KLHL1: variants seen among roughly 807,000 people sequenced by gnomAD.
The protein encoded by KLHL1 is kelch-like protein 1.
In KLHL1, 47 loss-of-function variants were observed where a neutral mutation model predicts 77.7. The ratio of observed to expected loss-of-function variants is 0.60; its 90% CI spans 0.48 to 0.77. KLHL1 has a LOEUF of 0.77. Among genes scored for constraint, KLHL1 ranks in the 30% least tolerant of loss-of-function variants. The pLI, the probability that KLHL1 is intolerant of heterozygous loss-of-function variation, is 0.00. For missense variants in KLHL1, 925 were observed against 910.8 expected, an observed-to-expected ratio of 1.02 and a Z score of -0.20; for synonymous variants, 360 against 325.2, an observed-to-expected ratio of 1.11 and a Z score of -1.15.
intron 7 of KLHL1, among the ~76,000 whole-genome samples, chr13:69,792,554 T>G (rs1433083908): frequency 6.7e-6 from 1 of 150,316 alleles, no homozygotes; most frequent in East Asian, 2.0e-4. Context: ...CACCTACATA[T>G]ATACCAAAAA....
chr13:69,796,071 C>T (rs946767623), intron 7 of KLHL1, among the ~76,000 whole-genome samples: 1 of 152,150 alleles, frequency 6.6e-6, no homozygotes, highest in South Asian at 2.1e-4. Context: ...ATCGTATGAT[C>T]TTTGAGGACA....
chr13:70,038,581 A>ATTTTTT (rs55885952), intron 1 of KLHL1, among the ~76,000 whole-genome samples: 775 of 73,034 alleles, frequency 0.011, 48 homozygotes, highest in East Asian at 0.019. Context: ...ATTGTCATTA[A>ATTTTTT]TTTTTTTTTT....
intron 3 of KLHL1, among the ~76,000 whole-genome samples, chr13:69,944,495 A>G (rs1340112418): frequency 1.3e-5 from 2 of 152,312 alleles, no homozygotes; most frequent in Non-Finnish European, 1.5e-5. Context: ...CTTGTGAAGT[A>G]TCCCAGTTCA....
At chr13:69,714,135 T>G (rs1460236376) in intron 9 of KLHL1, among the ~76,000 whole-genome samples, 1 of 152,188 alleles carries the variant, frequency 6.6e-6, no homozygotes, top group Non-Finnish European at 1.5e-5. Flanking sequence ...AATAAATTTC[T>G]GCTTCCCTTC....
At chr13:69,808,007 A>G (rs1424755974) in intron 6 of KLHL1, among the ~76,000 whole-genome samples, 1 of 152,104 alleles carries the variant, frequency 6.6e-6, no homozygotes, top group Non-Finnish European at 1.5e-5. Context: ...GATTGTCCCT[A>G]AGGGAGGATA....
rs564866360 is a variant in KLHL1, at chr13:70,072,801, T to G, written c.497+34402A>C. Reference sequence around the variant, plus strand: ...AGTGTTGATGGAAACTTTTTCAACTTGGTAAAAAACTTTTATTTAAAAAAA... The same window carrying G: ...AGTGTTGATGGAAACTTTTTCAACTGGGTAAAAAACTTTTATTTAAAAAAA... On this transcript the variant is annotated intron_variant, in intron 1 of 10. Coordinates refer to ENST00000377844, the MANE Select transcript of KLHL1 (RefSeq NM_020866.3). 6.4e-4 allele frequency among the ~76,000 whole-genome samples: 98 copies of G among 152,152 alleles called. 1 individual carries two copies. In the South Asian group the frequency reaches 0.019, roughly 30 times the overall value.
intron 1 of KLHL1, among the ~76,000 whole-genome samples, chr13:70,030,507 G>A (rs1320087687): frequency 6.6e-6 from 1 of 152,148 alleles, no homozygotes; most frequent in Non-Finnish European, 1.5e-5. Flanking sequence ...GGTACATAAC[G>A]AAATGAAGGC....
chr13:69,904,846 C>T (rs1881994879), intron 4 of KLHL1, among the ~76,000 whole-genome samples: 1 of 152,048 alleles, frequency 6.6e-6, no homozygotes, highest in African/African-American at 2.4e-5. Flanking sequence ...TAATATGATT[C>T]CTTTAACTGC....
chr13:70,070,706 A>T (rs957777567), intron 1 of KLHL1, among the ~76,000 whole-genome samples: 1 of 152,090 alleles, frequency 6.6e-6, no homozygotes, highest in Non-Finnish European at 1.5e-5. Flanking sequence ...GTTAAATAAA[A>T]ACTATTAATA....
chr13:70,095,049 C>T (rs1421089195), intron 1 of KLHL1, among the ~76,000 whole-genome samples: 1 of 152,168 alleles, frequency 6.6e-6, no homozygotes, highest in Non-Finnish European at 1.5e-5. Flanking sequence ...ACTGTTGTAG[C>T]TCCTCCAACG....
chr13:69,724,136 C>T (rs1313828957), intron 8 of KLHL1, among the ~76,000 whole-genome samples: 4 of 151,956 alleles, frequency 2.6e-5, no homozygotes, highest in East Asian at 1.9e-4. Flanking sequence ...TGCCTGGCTA[C>T]GTGTCAGAAA....
intron 1 of KLHL1, among the ~76,000 whole-genome samples, chr13:70,072,546 A>T (rs1426280721): frequency 6.6e-6 from 1 of 152,142 alleles, no homozygotes; most frequent in Non-Finnish European, 1.5e-5. Flanking sequence ...CCTCAATGAG[A>T]TATGAGCACA....
chr13:69,955,944 T>TA (rs1883854975), intron 3 of KLHL1, among the ~76,000 whole-genome samples: 2 of 133,970 alleles, frequency 1.5e-5, no homozygotes, highest in Non-Finnish European at 3.2e-5. Context: ...TGATATATAT[T>TA]TATATATATA....
chr13:69,709,846 AT>A (rs1368306815), intron 9 of KLHL1, among the ~76,000 whole-genome samples: 6 of 151,736 alleles, frequency 4.0e-5, no homozygotes, highest in Non-Finnish European at 8.8e-5. Flanking sequence ...AGTTAATTGT[AT>A]CAGTTGCTTT....
chr13:69,814,184 C>G lies in KLHL1; in HGVS notation c.1415-17222G>C, dbSNP rs1004800757. 5.9e-5 allele frequency among the ~76,000 whole-genome samples: 9 copies of G among 152,108 alleles called. No homozygotes were observed. In the South Asian group the frequency reaches 6.2e-4, roughly 11 times the overall value. On this transcript the variant is annotated intron_variant, in intron 6 of 10. Transcript: ENST00000377844. ...CAATAAATGGTTTCGGGAACACAGG[C>G]TTACCATACGCAGAAAAATGAAACT...
At chr13:69,890,501 A>C (rs990029146) in intron 4 of KLHL1, among the ~76,000 whole-genome samples, 6 of 152,034 alleles carry the variant, frequency 3.9e-5, no homozygotes, top group African/African-American at 1.4e-4. Flanking sequence ...ATCACTGCTG[A>C]ATAGCTCTAT....
rs138220088 is a variant in KLHL1 at position 69,820,156 on chromosome 13, T to C, written c.1414+18820A>G. 2.3e-3 allele frequency among the ~76,000 whole-genome samples: 345 copies of C among 152,252 alleles called. 7 individuals are homozygous for C. The South Asian group carries it at 0.031, about 14-fold the overall frequency. Reference sequence around the variant, plus strand: ...CCTAGATTCTAGTTCTATTTCTCTATATCAAACTGTGTAATTTTATATTGT... The same window carrying C: ...CCTAGATTCTAGTTCTATTTCTCTACATCAAACTGTGTAATTTTATATTGT... On this transcript the variant is annotated intron_variant, in intron 6 of 10. Coordinates refer to ENST00000377844, the MANE Select transcript of KLHL1 (RefSeq NM_020866.3).
intron 1 of KLHL1, among the ~76,000 whole-genome samples, chr13:70,030,963 C>T (rs1335021604): frequency 1.3e-5 from 2 of 152,158 alleles, no homozygotes; most frequent in African/African-American, 4.8e-5. Context: ...ATACTATAAA[C>T]ACTTCTATGC....
In KLHL1 at chr13:69,706,480, A is replaced by G. The variant is rs1046218704; in HGVS notation, c.2187+1145T>C. ...GGAAATCATGTTTCATTAAAAGTAA[A>G]TATCTTTAAAACAAATGTACTTTAA... On this transcript the variant is annotated intron_variant, in intron 10 of 10. Transcript: ENST00000377844. 2.6e-5 allele frequency among the ~76,000 whole-genome samples: 4 copies of G among 151,962 alleles called. No individual in the cohort carries two copies. The Admixed American group carries it at 2.6e-4, about 10-fold the overall frequency.
Sources: allele counts gnomAD v4.1 joint callset (sites outside exome capture counted in the v4.1 genomes callset), GRCh38; gene constraint gnomAD v4.1.1; transcripts MANE v1.5; gene names NCBI Gene and HGNC (gene_info 2026-07-23, HGNC 2026-07-21).